The following LDB2 variants were observed in gnomAD, a reference collection of about 807,000 sequenced individuals.
LDB2 encodes the protein LIM domain-binding protein 2.
LDB2 carries 12 observed loss-of-function variants against 44.3 expected under a neutral mutation model. The ratio of observed to expected loss-of-function variants is 0.27; its 90% CI spans 0.17 to 0.44. LDB2 has a LOEUF of 0.44. LDB2 is among the 20% of genes least tolerant of loss of function. LDB2 has a pLI of 1.00. For missense variants in LDB2, 344 were observed against 473.5 expected (o/e 0.73, Z 2.54); for synonymous variants, 164 against 174.8 (o/e 0.94, Z 0.49).
intron 2 of LDB2, among the ~76,000 whole-genome samples, chr4:16,702,297 T>C (rs962714321): frequency 6.6e-6 from 1 of 152,198 alleles, no homozygotes; most frequent in African/African-American, 2.4e-5. Context: ...TCCCATGAAC[T>C]TGGAAAGTTC....
chr4:16,686,084 T>C lies in LDB2; in HGVS notation c.235+73074A>G, dbSNP rs77651255. 4.6e-3 allele frequency among the ~76,000 whole-genome samples: 700 copies of C among 152,126 alleles called. 5 individuals carry two copies. The highest frequency in any genetic ancestry group is 0.016 in the African/African-American group (660 of 41,488). On this transcript the variant is annotated intron_variant, in intron 2 of 7. Coordinates refer to ENST00000304523, the MANE Select transcript of LDB2 (RefSeq NM_001290.5). Reference sequence around the variant, plus strand: ...AGGCAAAAGTCAAAATATGTAAACATGGCAGATCAAAGCTAATCACAATAT... The same window carrying C: ...AGGCAAAAGTCAAAATATGTAAACACGGCAGATCAAAGCTAATCACAATAT...
intron 1 of LDB2, chr4:16,888,756 C>T (rs1368726839): frequency 2.1e-6 from 2 of 968,322 alleles, no homozygotes; most frequent in Non-Finnish European, 2.5e-6. Context: ...AATGATGTGG[C>T]ACCTATCATA....
At chr4:16,610,690 A>C (rs1438329982) in intron 2 of LDB2, among the ~76,000 whole-genome samples, 1 of 152,182 alleles carries the variant, frequency 6.6e-6, no homozygotes, top group African/African-American at 2.4e-5. Context: ...GAATGAACAA[A>C]GCCTCCAAGA....
At chr4:16,769,348 G>T (rs995522203) in intron 1 of LDB2, among the ~76,000 whole-genome samples, 1 of 151,348 alleles carries the variant, frequency 6.6e-6, no homozygotes, top group Non-Finnish European at 1.5e-5. Context: ...CCAGGCTGGA[G>T]TGCAGTAGCA....
At chr4:16,848,320 T>C (rs1365172492) in intron 1 of LDB2, among the ~76,000 whole-genome samples, 1 of 152,244 alleles carries the variant, frequency 6.6e-6, no homozygotes, top group Non-Finnish European at 1.5e-5. Flanking sequence ...GTATATACAC[T>C]ATAATCTAAT....
intron 1 of LDB2, among the ~76,000 whole-genome samples, chr4:16,821,628 A>T (rs1782039321): frequency 6.7e-6 from 1 of 149,462 alleles, no homozygotes; most frequent in South Asian, 2.1e-4. Flanking sequence ...TAATCTCGTG[A>T]TCTGCCCACC....
At chr4:16,847,974 A>G (rs753999082) in intron 1 of LDB2, among the ~76,000 whole-genome samples, 1 of 152,264 alleles carries the variant, frequency 6.6e-6, no homozygotes, top group Non-Finnish European at 1.5e-5. Flanking sequence ...TGAAAAAGCC[A>G]AATATAAATG....
intron 2 of LDB2, among the ~76,000 whole-genome samples, chr4:16,606,093 C>T (rs547587312): frequency 2.6e-5 from 4 of 152,054 alleles, no homozygotes; most frequent in Non-Finnish European, 4.4e-5. Flanking sequence ...TGTTCCCTAG[C>T]CTTTAGATTT....
chr4:16,712,447 G>C (rs1321965320), intron 2 of LDB2, among the ~76,000 whole-genome samples: 1 of 152,130 alleles, frequency 6.6e-6, no homozygotes, highest in African/African-American at 2.4e-5. Context: ...GGCTACTTGG[G>C]AGGCTGAGGC....
chr4:16,853,353 ACAAAAATGGTCAATATGTGTATG>A (rs1467219427), intron 1 of LDB2, among the ~76,000 whole-genome samples: 1 of 152,210 alleles, frequency 6.6e-6, no homozygotes, highest in African/African-American at 2.4e-5. Flanking sequence ...TAAAAGAGAC[ACAAAAATGGTCAATATGTGTATG>A]GAAAGGTGTT....
At chr4:16,760,253 C>T (rs1456012413) in intron 1 of LDB2, among the ~76,000 whole-genome samples, 1 of 152,146 alleles carries the variant, frequency 6.6e-6, no homozygotes, top group Non-Finnish European at 1.5e-5. Context: ...GTAATAGTCC[C>T]ACTACTGAGT....
intron 1 of LDB2, among the ~76,000 whole-genome samples, chr4:16,766,468 ATGTGTG>A (rs1218763626): frequency 6.8e-4 from 28 of 41,332 alleles, no homozygotes; most frequent in African/African-American, 9.0e-4. Context: ...ACACACATAT[ATGTGTG>A]TGTGTGTGTG....
At chr4:16,654,225 C>G (rs1739105513) in intron 2 of LDB2, among the ~76,000 whole-genome samples, 1 of 152,192 alleles carries the variant, frequency 6.6e-6, no homozygotes. Flanking sequence ...ACTTCCCTGA[C>G]ACTCTGTATG....
chr4:16,621,714 G>A (rs2152481736), intron 2 of LDB2, among the ~76,000 whole-genome samples: 1 of 152,030 alleles, frequency 6.6e-6, no homozygotes, highest in East Asian at 1.9e-4. Context: ...CACCACCCCA[G>A]CTAATTTCTT....
At chr4:16,578,920 A>G (rs1713039932) in intron 5 of LDB2, among the ~76,000 whole-genome samples, 1 of 152,228 alleles carries the variant, frequency 6.6e-6, no homozygotes, top group Non-Finnish European at 1.5e-5. Context: ...AGGTCATTAT[A>G]TTAAGTGAAA....
rs140279553 is a variant in LDB2 at position 16,685,691 on chromosome 4, A to T, written c.235+73467T>A. ...GAATCTTCTTCACTATTATCCTAAC[A>T]TCACAAGCAAAGCTGCCCACCCTCA... On this transcript the variant is annotated intron_variant, in intron 2 of 7. Transcript: ENST00000304523. 5.9e-5 allele frequency among the ~76,000 whole-genome samples: 9 copies of T among 152,310 alleles called. No homozygotes were observed. In the South Asian group the frequency reaches 1.9e-3, roughly 32 times the overall value.
chr4:16,718,980 T>C (rs1296271062), intron 2 of LDB2, among the ~76,000 whole-genome samples: 2 of 152,068 alleles, frequency 1.3e-5, no homozygotes, highest in Admixed American at 6.6e-5. Flanking sequence ...CAGAATCTAA[T>C]GTTTACACGT....
intron 1 of LDB2, among the ~76,000 whole-genome samples, chr4:16,878,666 C>T (rs2110409962): frequency 6.6e-6 from 1 of 152,328 alleles, no homozygotes; most frequent in South Asian, 2.1e-4. Flanking sequence ...TATCTGTAGT[C>T]AAACACGGTC....
At chr4:16,620,926 T>G (rs1328464531) in intron 2 of LDB2, among the ~76,000 whole-genome samples, 1 of 152,252 alleles carries the variant, frequency 6.6e-6, no homozygotes, top group Non-Finnish European at 1.5e-5. Context: ...ACCTTTGTCT[T>G]ATTTCTCAAT....
Sources: gnomAD v4.1 joint callset for allele counts (sites outside exome capture counted in the v4.1 genomes callset) on GRCh38, gnomAD v4.1.1 for gene constraint, MANE v1.5 for transcripts, NCBI Gene and HGNC (gene_info 2026-07-23, HGNC 2026-07-21) for gene names.